The following TTC3 variants were observed in gnomAD, a reference collection of about 807,000 sequenced individuals.
TTC3 encodes the protein tetratricopeptide repeat domain 3.
In TTC3, 180 loss-of-function variants were observed where a neutral mutation model predicts 249.6. That is an observed-to-expected ratio of 0.72 (90% CI 0.64 to 0.82). The LOEUF is 0.82. TTC3 is among the 40% of genes least tolerant of loss of function. The probability of loss-of-function intolerance (pLI) is 0.00; values close to 1 mark genes in which losing one functional copy is unlikely to be tolerated. For missense variants in TTC3, 2,061 were observed against 2,398.4 expected, an observed-to-expected ratio of 0.86 and a Z score of 2.94; for synonymous variants, 717 against 805.0, an observed-to-expected ratio of 0.89 and a Z score of 1.85.
chr21:37,106,482 G>A (rs538230573), intron 10 of TTC3, among the ~76,000 whole-genome samples: 15 of 152,218 alleles, frequency 9.9e-5, no homozygotes, highest in African/African-American at 3.6e-4. Flanking sequence ...CCCATTCAAA[G>A]GTCACCAGAT....
intron 35 of TTC3, among the ~76,000 whole-genome samples, chr21:37,179,674 A>G (rs13046303): frequency 0.59 from 89,446 of 151,540 alleles, 27,292 homozygotes; most frequent in African/African-American, 0.74. Flanking sequence ...ACTGTTTTTC[A>G]TTTTGTTTGT....
At chr21:37,156,212 T>G (rs28545076) in intron 27 of TTC3, among the ~76,000 whole-genome samples, 1 of 100,006 alleles carries the variant, frequency 1.0e-5, no homozygotes, top group African/African-American at 4.5e-5. Flanking sequence ...AACTCTTTTT[T>G]TTTTTGTAAA....
intron 12 of TTC3, among the ~76,000 whole-genome samples, chr21:37,122,463 A>G (rs572462060): frequency 2.8e-5 from 4 of 144,984 alleles, no homozygotes; most frequent in South Asian, 4.3e-4. Flanking sequence ...AATGTTTTTT[A>G]TATATATAGC....
chr21:37,075,838 A>G (rs1050358825), intron 1 of TTC3, among the ~76,000 whole-genome samples: 2 of 152,178 alleles, frequency 1.3e-5, no homozygotes, highest in Non-Finnish European at 2.9e-5. Context: ...TTAAATATGT[A>G]CCTCTTTAGT....
exon 42 of TTC3, chr21:37,195,976 C>T (rs1195484469): frequency 4.3e-6 from 7 of 1,613,662 alleles, no homozygotes; most frequent in African/African-American, 1.3e-5. Context: ...AGCCAGTCTC[C>T]AAAAAAGCCG....
At chr21:37,089,946 C>G (rs944653119) in intron 5 of TTC3, among the ~76,000 whole-genome samples, 2 of 151,208 alleles carry the variant, frequency 1.3e-5, no homozygotes, top group Non-Finnish European at 2.9e-5. Flanking sequence ...GACTGCGCCA[C>G]TGCACTCCAG....
At chr21:37,142,344 A>G (rs921026052) in intron 20 of TTC3, among the ~76,000 whole-genome samples, 1 of 152,232 alleles carries the variant, frequency 6.6e-6, no homozygotes, top group Admixed American at 6.5e-5. Flanking sequence ...TTGTATATCT[A>G]GAAAACCCCA....
chr21:37,079,680 C>T (rs368156061), intron 1 of TTC3, among the ~76,000 whole-genome samples: 14 of 151,522 alleles, frequency 9.2e-5, no homozygotes, highest in Admixed American at 2.6e-4. Context: ...TACAGCCGTG[C>T]GCCACCATGC....
At chr21:37,092,181 G>A (rs1644978501) in intron 7 of TTC3, among the ~76,000 whole-genome samples, 1 of 152,094 alleles carries the variant, frequency 6.6e-6, no homozygotes, top group African/African-American at 2.4e-5. Context: ...TGTTTTTATA[G>A]TATAGTTATA....
chr21:37,168,458 CCT>C (rs1321189866), intron 34 of TTC3, among the ~76,000 whole-genome samples: 1 of 151,682 alleles, frequency 6.6e-6, no homozygotes, highest in Non-Finnish European at 1.5e-5. Flanking sequence ...TAAACAATTA[CCT>C]GTTAGAAAGT....
chr21:37,080,858 A>G (rs1398349718), intron 1 of TTC3, among the ~76,000 whole-genome samples: 1 of 151,940 alleles, frequency 6.6e-6, no homozygotes, highest in Non-Finnish European at 1.5e-5. Flanking sequence ...GGGACATACT[A>G]CTGGATTTTT....
At chr21:37,097,795 C>T in intron 10 of TTC3, 1 of 543,508 alleles carries the variant, frequency 1.8e-6, no homozygotes, top group Non-Finnish European at 3.3e-6. Flanking sequence ...TGAGAGTCTG[C>T]TATCAGTTGT....
At chr21:37,187,574 T>A (rs928690013) in intron 38 of TTC3, 1 of 152,430 alleles carries the variant, frequency 6.6e-6, no homozygotes, top group African/African-American at 2.4e-5. Flanking sequence ...TATATAGCAA[T>A]GTCAGTACAC....
chr21:37,201,716 G>A (rs927563034), exon 46 of TTC3: 27 of 1,082,096 alleles, frequency 2.5e-5, no homozygotes, highest in African/African-American at 2.2e-4. Context: ...CGTTAATATC[G>A]CTGATATTAA....
At chr21:37,115,678 C>T (rs532622978) in intron 11 of TTC3, among the ~76,000 whole-genome samples, 3 of 152,182 alleles carry the variant, frequency 2.0e-5, no homozygotes, top group African/African-American at 7.2e-5. Context: ...GATCTGTCCC[C>T]GTCTTGAACA....
Position 37,160,799 on chromosome 21 carries a change from T to C in TTC3, c.3040-3T>C. The C allele has an allele frequency of 6.2e-7, 1 of 1,612,948 alleles. No individual in the cohort carries two copies. The highest frequency in any genetic ancestry group is 2.2e-5 in the East Asian group (1 of 44,680). On this transcript the variant is annotated splice_region_variant and splice_polypyrimidine_tract_variant and intron_variant, in intron 29 of 45. Transcript: ENST00000355666. ...TTCACTGATTTTTCCCCCCATTTTT[T>C]AGTTTAGTTCAACCAAGGTGAAAAA...
At chr21:37,201,197 C>G (rs575252198) in intron 45 of TTC3, among the ~76,000 whole-genome samples, 5 of 152,310 alleles carry the variant, frequency 3.3e-5, no homozygotes, top group Non-Finnish European at 7.4e-5. Context: ...AAGACCACCC[C>G]CTGAGGCCAG....
chr21:37,082,794 G>T (rs2071882234), intron 1 of TTC3: 1 of 979,512 alleles, frequency 1.0e-6, no homozygotes, highest in Non-Finnish European at 1.2e-6. Flanking sequence ...CATAACTGAT[G>T]GGATCAGAAG....
chr21:37,107,302 G>A (rs185309599), intron 10 of TTC3, among the ~76,000 whole-genome samples: 217 of 152,260 alleles, frequency 1.4e-3, no homozygotes, highest in Non-Finnish European at 2.6e-3. Context: ...AAGTTAAATG[G>A]GATAAGCAAG....
Sources: allele counts gnomAD v4.1 joint callset (sites outside exome capture counted in the v4.1 genomes callset), GRCh38; gene constraint gnomAD v4.1.1; transcripts MANE v1.5; gene names NCBI Gene and HGNC (gene_info 2026-07-23, HGNC 2026-07-21).